Variants in SYT1 observed in about 807,000 individuals in gnomAD.
SYT1 encodes the protein synaptotagmin 1.
In SYT1, 8 loss-of-function variants were observed where a neutral mutation model predicts 44.8. That is an observed-to-expected ratio of 0.18 (90% confidence interval 0.10 to 0.32). The LOEUF (loss-of-function observed/expected upper bound fraction) is 0.32, where lower values mean the gene tolerates loss of function less well. Among genes scored for constraint, SYT1 ranks in the 10% least tolerant of loss-of-function variants. SYT1 has a pLI of 1.00. For missense variants in SYT1, 286 were observed against 509.3 expected (o/e 0.56, Z 4.22); for synonymous variants, 154 against 188.8 (o/e 0.82, Z 1.51).
At chr12:79,040,661 C>A (rs1565776341) in intron 2 of SYT1, among the ~76,000 whole-genome samples, 1 of 152,080 alleles carries the variant, frequency 6.6e-6, no homozygotes, top group Admixed American at 6.6e-5. Flanking sequence ...TCTTTTGTTG[C>A]CATTGCTTTT....
chr12:79,419,850 T>G (rs926945428), intron 9 of SYT1, among the ~76,000 whole-genome samples: 1 of 152,160 alleles, frequency 6.6e-6, no homozygotes, highest in Non-Finnish European at 1.5e-5. Context: ...TATGTTTTTA[T>G]GACACACACA....
intron 1 of SYT1, among the ~76,000 whole-genome samples, chr12:78,920,734 C>T (rs1194196979): frequency 3.3e-5 from 5 of 151,880 alleles, no homozygotes; most frequent in African/African-American, 1.2e-4. Flanking sequence ...AATCCCCTTT[C>T]TTTCCCTTCA....
intron 4 of SYT1, among the ~76,000 whole-genome samples, chr12:79,218,699 C>G (rs1918198): frequency 0.72 from 109,723 of 152,072 alleles, 40,265 homozygotes; most frequent in African/African-American, 0.82. Context: ...ACGAATACCA[C>G]GATTTCATTT....
At chr12:79,334,789 CT>C (rs1882014270) in intron 8 of SYT1, among the ~76,000 whole-genome samples, 1 of 152,010 alleles carries the variant, frequency 6.6e-6, no homozygotes, top group African/African-American at 2.4e-5. Context: ...ATAGGTTGCC[CT>C]TTGTATTCTT....
intron 8 of SYT1, among the ~76,000 whole-genome samples, chr12:79,316,406 T>G (rs1467364624): frequency 6.6e-6 from 1 of 152,208 alleles, no homozygotes; most frequent in African/African-American, 2.4e-5. Context: ...TTGGTGGACT[T>G]TTGGGTTACT....
intron 9 of SYT1, among the ~76,000 whole-genome samples, chr12:79,403,042 T>A (rs1448930465): frequency 2.6e-5 from 4 of 152,232 alleles, no homozygotes; most frequent in African/African-American, 9.6e-5. Context: ...ATACCATGAA[T>A]ATCTAATACA....
intron 3 of SYT1, among the ~76,000 whole-genome samples, chr12:79,151,481 C>T (rs1371933257): frequency 6.6e-6 from 1 of 152,136 alleles, no homozygotes; most frequent in Non-Finnish European, 1.5e-5. Flanking sequence ...ATATATCAAG[C>T]TAATACATTT....
chr12:79,075,539 C>T (rs947140561), intron 3 of SYT1, among the ~76,000 whole-genome samples: 1 of 152,164 alleles, frequency 6.6e-6, no homozygotes, highest in Non-Finnish European at 1.5e-5. Context: ...TGGTGAAGTA[C>T]ATCTGATGCT....
At chr12:79,047,904 A>G (rs1355864494) in intron 3 of SYT1, among the ~76,000 whole-genome samples, 1 of 151,882 alleles carries the variant, frequency 6.6e-6, no homozygotes, top group Admixed American at 6.6e-5. Flanking sequence ...TTTCCTTGCT[A>G]TTGTTTGATG....
At chr12:79,076,666 T>C (rs373381931) in intron 3 of SYT1, among the ~76,000 whole-genome samples, 1 of 152,120 alleles carries the variant, frequency 6.6e-6, no homozygotes, top group East Asian at 1.9e-4. Flanking sequence ...TGAGGCAGGG[T>C]GCGGTGGCTC....
chr12:79,383,130 G>A (rs1295591473), intron 9 of SYT1, among the ~76,000 whole-genome samples: 2 of 152,160 alleles, frequency 1.3e-5, no homozygotes, highest in Non-Finnish European at 2.9e-5. Context: ...GCACAGTTAG[G>A]CAATTTCATC....
rs533145258 is a variant in SYT1 at position 79,161,984 on chromosome 12, G to A, written c.-17-55519G>A. The stretch of plus-strand genomic sequence containing the variant: ...TTTTAACTATGAAGACATATTGTTC[G>A]ATTCCACACACAAAGAAAAGGTTTT... On this transcript the variant is annotated intron_variant, in intron 3 of 10. Coordinates refer to ENST00000261205, the MANE Select transcript of SYT1 (RefSeq NM_005639.3). 8.5e-5 allele frequency among the ~76,000 whole-genome samples: 13 copies of A among 152,168 alleles called. No individual in the cohort carries two copies. The South Asian group carries it at 1.2e-3, about 15-fold the overall frequency.
At chr12:79,147,134 C>T (rs761319984) in intron 3 of SYT1, among the ~76,000 whole-genome samples, 11 of 152,094 alleles carry the variant, frequency 7.2e-5, no homozygotes, top group Non-Finnish European at 1.0e-4. Context: ...CCACCGTGCC[C>T]GGCCAGCATA....
Position 79,131,390 on chromosome 12 carries a change from TTTTG to T in SYT1, c.-18+84048_-18+84051del, listed in dbSNP as rs773777466. Among the ~76,000 whole-genome samples the T allele has an allele frequency of 3.2e-4, 49 of 152,174 alleles. 1 individual carries two copies. The highest frequency in any genetic ancestry group is 1.4e-3 in the East Asian group (7 of 5,178). On this transcript the variant is annotated intron_variant, in intron 3 of 10. Transcript: ENST00000261205. The stretch of plus-strand genomic sequence containing the variant: ...TCCCTTATTCCTTCAACAAGGGTTT[TTTTG>T]TTTGTTTGTTTGTTTGTTTTGTGTG...
At chr12:79,128,302 A>C (rs1939529426) in intron 3 of SYT1, among the ~76,000 whole-genome samples, 1 of 152,140 alleles carries the variant, frequency 6.6e-6, no homozygotes, top group African/African-American at 2.4e-5. Context: ...CTGAGGTGGG[A>C]GCACCTGTTT....
chr12:79,130,347 AC>A (rs1449257009), intron 3 of SYT1, among the ~76,000 whole-genome samples: 3 of 152,154 alleles, frequency 2.0e-5, no homozygotes, highest in Admixed American at 6.5e-5. Flanking sequence ...AGGAATAATA[AC>A]TACCTTCTTA....
intron 2 of SYT1, among the ~76,000 whole-genome samples, chr12:79,030,758 G>T (rs1424564056): frequency 6.6e-6 from 1 of 150,996 alleles, no homozygotes; most frequent in Non-Finnish European, 1.5e-5. Flanking sequence ...CTTTGGTGAG[G>T]CCATCCCAAA....
intron 4 of SYT1, among the ~76,000 whole-genome samples, chr12:79,219,020 C>T (rs1312185305): frequency 6.6e-6 from 1 of 152,048 alleles, no homozygotes; most frequent in Admixed American, 6.5e-5. Flanking sequence ...TCCTCGCCAA[C>T]ACTTATATTT....
At position 79,041,679 on chromosome 12, in the gene SYT1, G is replaced by C. The variant is rs558630940; in HGVS notation, c.-83-5618G>C. ...ACACTATGTTGAATAGGAGTGGTGA[G>C]ACAGGGCATCCCTGTCTTGTGCCAG... On this transcript the variant is annotated intron_variant, in intron 2 of 10. Transcript: ENST00000261205. Among the ~76,000 whole-genome samples the C allele has an allele frequency of 2.8e-3, 426 of 152,094 alleles. 2 individuals carry two copies. Among genetic ancestry groups the C allele is most frequent in the African/African-American group, 9.8e-3 (406 of 41,478 alleles).
Sources: allele counts gnomAD v4.1 joint callset (sites outside exome capture counted in the v4.1 genomes callset), GRCh38; gene constraint gnomAD v4.1.1; transcripts MANE v1.5; gene names NCBI Gene and HGNC (gene_info 2026-07-23, HGNC 2026-07-21).